Variants in RNF13 observed in about 807,000 individuals in gnomAD.
RNF13 encodes ring finger protein 13, also known as E3 ubiquitin-protein ligase RNF13.
RNF13 carries 19 observed loss-of-function variants against 37.7 expected under a neutral mutation model. The observed-to-expected ratio is 0.50, with a 90% CI of 0.35 to 0.74. The LOEUF (loss-of-function observed/expected upper bound fraction) is 0.74. Among genes scored for constraint, RNF13 ranks in the 30% least tolerant of loss-of-function variants. RNF13 has a pLI of 0.01. For missense variants in RNF13, 375 were observed against 453.0 expected (o/e 0.83, Z 1.56); for synonymous variants, 144 against 157.8 (o/e 0.91, Z 0.65).
In RNF13 at chr3:149,961,173, T is replaced by C. The variant is rs1722377452; in HGVS notation, c.*69T>C. On this transcript the variant is annotated 3_prime_UTR_variant, in exon 10 of 10. Coordinates refer to ENST00000392894, the MANE Select transcript of RNF13 (RefSeq NM_183381.3). ...TATATACTGTAATTTGATTTTTTGC[T>C]CCCTTCAAAGATTTCTGTAGAAATA... 2 of 1,375,576 alleles carry C rather than the reference T, an allele frequency of 1.5e-6. No individual in the cohort carries two copies. Among genetic ancestry groups the C allele is most frequent in the East Asian group, 2.3e-5 (1 of 43,710 alleles). 85.2% of individuals were successfully genotyped at this position (1,375,576 alleles called of 1,614,324 possible).
intron 1 of RNF13, among the ~76,000 whole-genome samples, chr3:149,844,526 T>C (rs892485539): frequency 2.0e-5 from 3 of 152,178 alleles, no homozygotes; most frequent in Non-Finnish European, 4.4e-5. Flanking sequence ...AAACAGGTAT[T>C]CAGCACAAAC....
chr3:149,959,963 C>A (rs1722219710), intron 8 of RNF13, 93 bp from the exon 9 acceptor site: 9 of 770,186 alleles, frequency 1.2e-5, no homozygotes, highest in Non-Finnish European at 1.7e-5. Flanking sequence ...AGGCATCATT[C>A]AAAGATAAAT....
intron 1 of RNF13, among the ~76,000 whole-genome samples, chr3:149,828,746 T>C (rs1332515875): frequency 6.6e-6 from 1 of 152,174 alleles, no homozygotes; most frequent in Non-Finnish European, 1.5e-5. Context: ...TTATGAATAA[T>C]GACTTGGTAC....
chr3:149,935,132 G>T (rs1365207523), intron 8 of RNF13, among the ~76,000 whole-genome samples: 1 of 152,134 alleles, frequency 6.6e-6, no homozygotes, highest in Non-Finnish European at 1.5e-5. Context: ...TCATTATATA[G>T]TGATTTTTTG....
intron 1 of RNF13, among the ~76,000 whole-genome samples, chr3:149,833,470 T>C (rs1361826236): frequency 6.6e-6 from 1 of 152,198 alleles, no homozygotes; most frequent in Non-Finnish European, 1.5e-5. Flanking sequence ...GTTCTACATG[T>C]GAAAAGTGTT....
intron 2 of RNF13, among the ~76,000 whole-genome samples, chr3:149,849,889 A>G (rs560846201): frequency 2.0e-5 from 3 of 152,218 alleles, no homozygotes; most frequent in Non-Finnish European, 4.4e-5. Flanking sequence ...TAATTGGTTA[A>G]GGAAAAGACC....
chr3:149,826,435 T>C (rs1235749010), intron 1 of RNF13, among the ~76,000 whole-genome samples: 1 of 152,224 alleles, frequency 6.6e-6, no homozygotes. Flanking sequence ...TTTGATCATA[T>C]ATTTTACTTC....
chr3:149,831,289 C>T (rs962837079), intron 1 of RNF13, among the ~76,000 whole-genome samples: 10 of 152,214 alleles, frequency 6.6e-5, no homozygotes, highest in Non-Finnish European at 1.0e-4. Flanking sequence ...AAGCTTTACA[C>T]TCTCAATGCC....
At chr3:149,895,614 A>G in intron 5 of RNF13, 54 bp downstream of exon 5, 1 of 1,180,904 alleles carries the variant, frequency 8.5e-7, no homozygotes, top group Non-Finnish European at 1.2e-6. Context: ...ATTTGTAACT[A>G]AAAATTAACA....
chr3:149,923,351 T>A (rs1409406033), intron 8 of RNF13, among the ~76,000 whole-genome samples: 1 of 152,160 alleles, frequency 6.6e-6, no homozygotes, highest in Non-Finnish European at 1.5e-5. Flanking sequence ...CAGCTTCTCA[T>A]GTAGCTAAGA....
At chr3:149,843,505 A>T (rs892124740) in intron 1 of RNF13, among the ~76,000 whole-genome samples, 14 of 152,316 alleles carry the variant, frequency 9.2e-5, no homozygotes, top group African/African-American at 2.4e-4. Flanking sequence ...AACATTATTT[A>T]AAAAAGGCAA....
At chr3:149,943,220 C>CTTT (rs368828804) in intron 8 of RNF13, among the ~76,000 whole-genome samples, 1 of 133,848 alleles carries the variant, frequency 7.5e-6, no homozygotes, top group African/African-American at 2.7e-5. Context: ...TGTTGCAGTT[C>CTTT]TTTTTTTTTT....
intron 3 of RNF13, among the ~76,000 whole-genome samples, chr3:149,868,386 A>T (rs1245929140): frequency 1.3e-5 from 2 of 151,670 alleles, no homozygotes; most frequent in Non-Finnish European, 2.9e-5. Context: ...TTCTTGTAAG[A>T]CAGGCCTGGT....
chr3:149,842,976 C>T (rs1339516478), intron 1 of RNF13, among the ~76,000 whole-genome samples: 1 of 152,098 alleles, frequency 6.6e-6, no homozygotes, highest in East Asian at 1.9e-4. Context: ...GCACAGTGTG[C>T]CCCCAATTTT....
intron 3 of RNF13, among the ~76,000 whole-genome samples, chr3:149,865,048 A>G (rs1724656796): frequency 6.6e-6 from 1 of 152,128 alleles, no homozygotes; most frequent in African/African-American, 2.4e-5. Context: ...CTGATGATAT[A>G]AAGAAAGGTA....
In RNF13 at chr3:149,895,471, AG is replaced by A. The variant is rs754932362; in HGVS notation, c.322del. 1 of 1,469,500 alleles carries A rather than the reference AG, an allele frequency of 6.8e-7. No homozygotes were observed. Among genetic ancestry groups the A allele is most frequent in the African/African-American group, 1.5e-5 (1 of 66,026 alleles). The allele number at this position is 1,469,500 out of a possible 1,614,324, so 91.0% of individuals were successfully genotyped here. On this transcript the variant is annotated splice_acceptor_variant, in intron 4 of 9. Transcript: ENST00000392894. LOFTEE classifies it high-confidence loss of function. ...TTTTTTTTTTTTTTTTTTGCTTTGC[AG>A]GTTTTAAATGCACAGAGAGCAGGAT...
intron 8 of RNF13, among the ~76,000 whole-genome samples, chr3:149,954,287 A>T (rs1721639633): frequency 6.6e-6 from 1 of 152,138 alleles, no homozygotes; most frequent in African/African-American, 2.4e-5. Context: ...ATCTGTGGGT[A>T]CTTTTCATAC....
At chr3:149,891,580 A>G (rs189896576) in intron 4 of RNF13, among the ~76,000 whole-genome samples, 6 of 152,352 alleles carry the variant, frequency 3.9e-5, no homozygotes, top group Non-Finnish European at 7.3e-5. Context: ...AGTTGCATGT[A>G]ATTTGTTTAT....
intron 3 of RNF13, among the ~76,000 whole-genome samples, chr3:149,860,379 G>T (rs1293767487): frequency 2.7e-5 from 4 of 146,932 alleles, no homozygotes; most frequent in East Asian, 2.0e-4. Context: ...ATATAACAAG[G>T]CTGTAAGAAC....
Sources: gnomAD v4.1 joint callset for allele counts (sites outside exome capture counted in the v4.1 genomes callset) on GRCh38, gnomAD v4.1.1 for gene constraint, MANE v1.5 for transcripts, NCBI Gene and HGNC (gene_info 2026-07-23, HGNC 2026-07-21) for gene names.